The following SNX7 variants were observed in gnomAD, a reference collection of about 807,000 sequenced individuals.
SNX7 encodes sorting nexin-7.
A neutral mutation model predicts 48.4 loss-of-function variants in SNX7; 35 were observed. The observed-to-expected ratio is 0.72, with a 90% CI of 0.55 to 0.96. The LOEUF (loss-of-function observed/expected upper bound fraction) is 0.96, where lower values mean the gene tolerates loss of function less well. Among genes scored for constraint, SNX7 ranks in the 40% least tolerant of loss-of-function variants. SNX7 has a pLI of 0.00. For missense variants in SNX7, 553 were observed against 548.9 expected (o/e 1.01, Z -0.07); for synonymous variants, 190 against 190.2 (o/e 1.00, Z 0.01).
chr1:98,708,129 GC>G (rs1652105688), intron 7 of SNX7, among the ~76,000 whole-genome samples: 1 of 151,934 alleles, frequency 6.6e-6, no homozygotes, highest in Non-Finnish European at 1.5e-5. Context: ...CTTTCTATAT[GC>G]CTCATTTCCT....
At chr1:98,730,225 A>C (rs1296261601) in intron 7 of SNX7, among the ~76,000 whole-genome samples, 1 of 139,670 alleles carries the variant, frequency 7.2e-6, no homozygotes, top group African/African-American at 2.6e-5. Context: ...CATGTTAAAA[A>C]CTCTCAATAA....
chr1:98,700,970 A>C (rs1480325440), intron 6 of SNX7, among the ~76,000 whole-genome samples: 1 of 152,126 alleles, frequency 6.6e-6, no homozygotes, highest in Non-Finnish European at 1.5e-5. Flanking sequence ...TAACCTGTTC[A>C]GGCCATTTGT....
intron 7 of SNX7, among the ~76,000 whole-genome samples, chr1:98,718,577 A>G (rs1435599905): frequency 1.3e-5 from 2 of 152,130 alleles, no homozygotes; most frequent in East Asian, 1.9e-4. Context: ...ACCCCAAATT[A>G]TGATTTATTT....
chr1:98,728,891 C>T (rs1653338524), intron 7 of SNX7, among the ~76,000 whole-genome samples: 1 of 152,238 alleles, frequency 6.6e-6, no homozygotes, highest in East Asian at 1.9e-4. Flanking sequence ...ATCATCAAGA[C>T]TGAAAATTAA....
chr1:98,684,899 G>T lies in SNX7; in HGVS notation c.195G>T (p.Met65Ile). The T allele has an allele frequency of 1.3e-6, 2 of 1,488,930 alleles. No homozygotes were observed. The highest frequency in any genetic ancestry group is 2.4e-5 in the East Asian group (1 of 42,476). The allele number at this position is 1,488,930 out of a possible 1,614,324, so 92.2% of individuals were successfully genotyped here. Residue 65 changes from methionine (M) to isoleucine (I), a missense_variant, in exon 2 of 9, where the codon ATG becomes ATT. Met to Ile is a conservative substitution (Grantham distance 10). Transcript: ENST00000306121. ...TTATTTCTTAGGATGCCTCATTGAT[G>T]GACATGAACTCCTTCAGCCCTATGA... ...LEVFSKDASL[M>I]DMNSFSPMMP...
At chr1:98,745,688 C>T (rs1350164528) in intron 8 of SNX7, among the ~76,000 whole-genome samples, 1 of 152,038 alleles carries the variant, frequency 6.6e-6, no homozygotes, top group East Asian at 1.9e-4. Flanking sequence ...GTTAACTTTT[C>T]CAATTCGTTA....
chr1:98,715,408 A>G (rs1343574460), intron 7 of SNX7, among the ~76,000 whole-genome samples: 1 of 152,090 alleles, frequency 6.6e-6, no homozygotes, highest in Non-Finnish European at 1.5e-5. Context: ...GCACCGTTTG[A>G]TGACTGATTA....
intron 4 of SNX7, among the ~76,000 whole-genome samples, chr1:98,693,587 A>G (rs927961094): frequency 2.0e-5 from 3 of 152,178 alleles, no homozygotes; most frequent in Non-Finnish European, 4.4e-5. Context: ...TTGTGACGTG[A>G]GCTGTCTCTG....
chr1:98,698,898 T>C lies in SNX7; in HGVS notation c.1031T>C (p.Met344Thr), dbSNP rs939438731. The change falls in exon 6 of 9, where the codon ATG becomes ACG. Residue 344 changes from methionine to threonine, a missense_variant. Coordinates refer to ENST00000306121, the MANE Select transcript of SNX7 (RefSeq NM_015976.5). ...CATGAGTACGTGCTTTATAGTGAAA[T>C]GTTAATGGTAAGAACACCTAATTCT... ...VVHEYVLYSE[M>T]LMGVMKRRDQ... The C allele has an allele frequency of 6.8e-6, 11 of 1,613,438 alleles. No homozygotes were observed. Among genetic ancestry groups the C allele is most frequent in the Non-Finnish European group, 9.3e-6 (11 of 1,179,568 alleles).
chr1:98,698,909 A>G lies in SNX7; in HGVS notation c.1038+4A>G, dbSNP rs1376911005. The G allele has an allele frequency of 6.2e-7, 1 of 1,612,814 alleles. No individual in the cohort carries two copies. Among genetic ancestry groups the G allele is most frequent in the Non-Finnish European group, 8.5e-7 (1 of 1,179,104 alleles). On this transcript the variant is annotated splice_donor_region_variant and intron_variant, in intron 6 of 8. Coordinates refer to ENST00000306121, the MANE Select transcript of SNX7 (RefSeq NM_015976.5). ...GCTTTATAGTGAAATGTTAATGGTA[A>G]GAACACCTAATTCTAATTTTACCTC...
intron 8 of SNX7, among the ~76,000 whole-genome samples, chr1:98,741,500 G>C (rs535863152): frequency 6.6e-6 from 1 of 152,212 alleles, no homozygotes; most frequent in Non-Finnish European, 1.5e-5. Context: ...TGTCTCAAAT[G>C]AAACTTTTAC....
chr1:98,681,429 T>C (rs951100169), intron 1 of SNX7, among the ~76,000 whole-genome samples: 1 of 152,134 alleles, frequency 6.6e-6, no homozygotes. Flanking sequence ...CTTATCACTA[T>C]AAGATATTTT....
At chr1:98,726,101 C>G (rs963685269) in intron 7 of SNX7, among the ~76,000 whole-genome samples, 7 of 152,064 alleles carry the variant, frequency 4.6e-5, no homozygotes, top group African/African-American at 1.7e-4. Flanking sequence ...ATAATCACAC[C>G]AGGGTGCCGC....
intron 7 of SNX7, among the ~76,000 whole-genome samples, chr1:98,711,066 G>C (rs1379054173): frequency 6.6e-6 from 1 of 152,122 alleles, no homozygotes; most frequent in Non-Finnish European, 1.5e-5. Context: ...ACCCAGGCTG[G>C]AGGGCAATGG....
intron 8 of SNX7, among the ~76,000 whole-genome samples, chr1:98,741,249 G>A (rs528882304): frequency 3.2e-4 from 48 of 152,252 alleles, no homozygotes; most frequent in African/African-American, 1.2e-3. Context: ...CCTGTATTAA[G>A]TTCTGGTCAC....
chr1:98,719,921 A>G (rs56054030), intron 7 of SNX7, among the ~76,000 whole-genome samples: 39,262 of 148,908 alleles, frequency 0.26, 5,516 homozygotes, highest in Middle Eastern at 0.33. Flanking sequence ...TATTTCAACT[A>G]TGTATATTAT....
At chr1:98,662,771 C>T in intron 1 of SNX7, 1 of 1,289,298 alleles carries the variant, frequency 7.8e-7, no homozygotes, top group Non-Finnish European at 1.0e-6. Context: ...ACGCTGTATT[C>T]ATTACTAAGA....
chr1:98,750,299 C>T (rs1416815016), intron 8 of SNX7, among the ~76,000 whole-genome samples: 2 of 151,960 alleles, frequency 1.3e-5, no homozygotes, highest in East Asian at 3.9e-4. Context: ...ATGTAGGCAT[C>T]ACATGGTGGC....
chr1:98,736,698 A>G (rs1653796766), intron 7 of SNX7, among the ~76,000 whole-genome samples: 1 of 152,186 alleles, frequency 6.6e-6, no homozygotes, highest in Non-Finnish European at 1.5e-5. Context: ...TTTATGTAAT[A>G]CCAAATATCT....
Sources: allele counts gnomAD v4.1 joint callset (sites outside exome capture counted in the v4.1 genomes callset), GRCh38; gene constraint gnomAD v4.1.1; transcripts MANE v1.5; gene names NCBI Gene and HGNC (gene_info 2026-07-23, HGNC 2026-07-21).